Variants in DGKI observed in about 807,000 individuals in gnomAD.
DGKI encodes the protein DAG kinase iota.
DGKI carries 55 observed loss-of-function variants against 147.5 expected under a neutral mutation model. The ratio of observed to expected loss-of-function variants is 0.37; its 90% CI spans 0.30 to 0.47. The LOEUF is 0.47. DGKI is among the 20% of genes least tolerant of loss of function. The pLI is 1.00. For missense variants in DGKI, 1,007 were observed against 1,323.8 expected (o/e 0.76, Z 3.71); for synonymous variants, 469 against 477.1 (o/e 0.98, Z 0.22).
chr7:137,414,974 C>T (rs918863192), intron 28 of DGKI, among the ~76,000 whole-genome samples: 4 of 152,100 alleles, frequency 2.6e-5, no homozygotes, highest in Non-Finnish European at 5.9e-5. Flanking sequence ...ACAGAAGGCA[C>T]AGTTTTCAGT....
intron 10 of DGKI, 23 bp from the exon 11 acceptor site, chr7:137,599,928 A>C (rs778372795): frequency 1.1e-5 from 17 of 1,589,176 alleles, no homozygotes; most frequent in Non-Finnish European, 1.4e-5. Flanking sequence ...AATACACAAA[A>C]AGGCAATAAT....
rs554677659 is a variant in DGKI, at chr7:137,631,819, C to A, written c.805-8265G>T. Reference sequence around the variant, plus strand: ...AAGCAAACCAAATCTCAGAACTAGGCAGGCTAAAGCTGCTATATTAGGTAC... The same window carrying A: ...AAGCAAACCAAATCTCAGAACTAGGAAGGCTAAAGCTGCTATATTAGGTAC... On this transcript the variant is annotated intron_variant, in intron 6 of 32. Transcript: ENST00000614521. 8.5e-5 allele frequency among the ~76,000 whole-genome samples: 13 copies of A among 152,254 alleles called. No homozygotes were observed. In the East Asian group the frequency reaches 2.1e-3, roughly 25 times the overall value.
chr7:137,742,222 C>T (rs1355227488), intron 1 of DGKI, among the ~76,000 whole-genome samples: 1 of 152,120 alleles, frequency 6.6e-6, no homozygotes, highest in Non-Finnish European at 1.5e-5. Flanking sequence ...TGATGACTGC[C>T]ATCCCTCCTT....
intron 32 of DGKI, among the ~76,000 whole-genome samples, chr7:137,395,063 T>A (rs1811498887): frequency 6.6e-6 from 1 of 152,204 alleles, no homozygotes; most frequent in South Asian, 2.1e-4. Context: ...ATGGAAAGAA[T>A]TTTTTAAAAA....
At chr7:137,514,028 C>T in intron 21 of DGKI, 1 of 625,982 alleles carries the variant, frequency 1.6e-6, no homozygotes, top group Middle Eastern at 3.7e-4. Context: ...GGACTGCATG[C>T]TACTGTCTAG....
At chr7:137,765,947 AGTAT>A (rs372525719) in intron 1 of DGKI, among the ~76,000 whole-genome samples, 6 of 152,350 alleles carry the variant, frequency 3.9e-5, no homozygotes, top group African/African-American at 1.4e-4. Context: ...CATTTAAATC[AGTAT>A]GGCAAGTCAG....
At chr7:137,776,675 C>A (rs942955411) in intron 1 of DGKI, among the ~76,000 whole-genome samples, 1 of 152,130 alleles carries the variant, frequency 6.6e-6, no homozygotes, top group Admixed American at 6.5e-5. Flanking sequence ...ACCACGCAAT[C>A]GATCATCTAT....
chr7:137,449,311 T>C (rs186381960), intron 27 of DGKI, among the ~76,000 whole-genome samples: 1 of 152,286 alleles, frequency 6.6e-6, no homozygotes, highest in African/African-American at 2.4e-5. Context: ...TGGAACAGGA[T>C]AGAGAGCCGG....
chr7:137,405,425 A>G (rs1811907974), intron 30 of DGKI, among the ~76,000 whole-genome samples: 1 of 152,030 alleles, frequency 6.6e-6, no homozygotes, highest in Non-Finnish European at 1.5e-5. Flanking sequence ...TATTTGTGAA[A>G]CTGGGGTTCT....
chr7:137,541,250 C>T (rs763342649), intron 20 of DGKI, among the ~76,000 whole-genome samples: 6 of 152,134 alleles, frequency 3.9e-5, no homozygotes, highest in African/African-American at 9.7e-5. Flanking sequence ...TGTGCGTATA[C>T]GTGTGTGCAT....
At chr7:137,417,567 C>T (rs765881913) in intron 28 of DGKI, among the ~76,000 whole-genome samples, 54 of 152,078 alleles carry the variant, frequency 3.6e-4, no homozygotes, top group African/African-American at 1.1e-3. Context: ...CATCCATGTG[C>T]GGAAGGAAGA....
At position 137,383,957 on chromosome 7, in the gene DGKI, T is replaced by A. The variant is rs549109220; in HGVS notation, c.*7263A>T. On this transcript the variant is annotated 3_prime_UTR_variant, in exon 33 of 33. Coordinates refer to ENST00000614521, the MANE Select transcript of DGKI (RefSeq NM_001321708.2). The stretch of plus-strand genomic sequence containing the variant: ...TGAACTGAAGGACATTTCAAGCCTG[T>A]TTGTTTTTCTCTACTTCAAATATGC... 6.6e-6 allele frequency: 1 copy of A among 152,168 alleles called. No homozygotes were observed. The highest frequency in any genetic ancestry group is 1.5e-5 in the Non-Finnish European group (1 of 67,954). 9.4% of individuals were successfully genotyped at this position (152,168 alleles called of 1,614,324 possible).
At chr7:137,839,731 C>T (rs968059734) in intron 1 of DGKI, among the ~76,000 whole-genome samples, 3 of 152,140 alleles carry the variant, frequency 2.0e-5, no homozygotes, top group South Asian at 2.1e-4. Context: ...ATTACTGTTT[C>T]GAATGTTGTT....
chr7:137,621,822 C>A (rs887434593), intron 7 of DGKI, among the ~76,000 whole-genome samples: 2 of 152,220 alleles, frequency 1.3e-5, no homozygotes, highest in African/African-American at 4.8e-5. Context: ...CATCGCACCA[C>A]AGCCTGGTAG....
intron 3 of DGKI, among the ~76,000 whole-genome samples, chr7:137,663,242 G>T (rs1822509018): frequency 6.6e-6 from 1 of 152,168 alleles, no homozygotes; most frequent in South Asian, 2.1e-4. Context: ...CAAGCTACTT[G>T]AGGAGACAAG....
Position 137,385,347 on chromosome 7 carries a change from A to T in DGKI, c.*5873T>A, listed in dbSNP as rs1440312438. On this transcript the variant is annotated 3_prime_UTR_variant, in exon 33 of 33. Coordinates refer to ENST00000614521, the MANE Select transcript of DGKI (RefSeq NM_001321708.2). Reference sequence around the variant, plus strand: ...TAACAAATCAAAAATCAAGATTTTCATGAGTTTTTAAAATAAAATCCTGCC... The same window carrying T: ...TAACAAATCAAAAATCAAGATTTTCTTGAGTTTTTAAAATAAAATCCTGCC... 1 of 152,104 alleles carries T rather than the reference A, an allele frequency of 6.6e-6. No individual in the cohort carries two copies. The highest frequency in any genetic ancestry group is 1.5e-5 in the Non-Finnish European group (1 of 67,992). The allele number at this position is 152,104 out of a possible 1,614,324, so 9.4% of individuals were successfully genotyped here.
chr7:137,678,575 G>T lies in DGKI; in HGVS notation c.588C>A (p.Asn196Lys), dbSNP rs757758412. The T allele has an allele frequency of 6.2e-7, 1 of 1,614,082 alleles. No homozygotes were observed. Among genetic ancestry groups the T allele is most frequent in the Admixed American group, 1.7e-5 (1 of 60,012 alleles). Reference protein sequence around the residue: ...SGDLCYLGEENCQVRFAKSAL... With the variant: ...SGDLCYLGEEKCQVRFAKSAL... ...CACTCACTGCAAATCTGACTTGGCAGTTCTCCTCTCCAAGGTAGCAGAGGT... is the reference window on the plus strand; with the variant it reads ...CACTCACTGCAAATCTGACTTGGCATTTCTCCTCTCCAAGGTAGCAGAGGT... The change falls in exon 3 of 33, where the codon AAC becomes AAA. Residue 196 changes from asparagine (N) to lysine (K), a missense_variant. This residue lies in a region of DGKI where 259 missense variants were observed against 362.5 expected (regional missense o/e 0.71). Coordinates refer to ENST00000614521, the MANE Select transcript of DGKI (RefSeq NM_001321708.2).
intron 21 of DGKI, among the ~76,000 whole-genome samples, chr7:137,503,634 T>A (rs1816261787): frequency 6.6e-6 from 1 of 152,190 alleles, no homozygotes; most frequent in Admixed American, 6.6e-5. Flanking sequence ...TGTTTAATTA[T>A]CCTTGGTCAA....
chr7:137,557,149 T>C (rs1326499134), intron 19 of DGKI, among the ~76,000 whole-genome samples: 3 of 152,152 alleles, frequency 2.0e-5, no homozygotes, highest in Non-Finnish European at 4.4e-5. Flanking sequence ...CACGTGAGAA[T>C]AAAATAAATC....
Sources: allele counts gnomAD v4.1 joint callset (sites outside exome capture counted in the v4.1 genomes callset), GRCh38; gene constraint gnomAD v4.1.1; regional missense constraint gnomAD v4.1.1; transcripts MANE v1.5; gene names NCBI Gene and HGNC (gene_info 2026-07-23, HGNC 2026-07-21).